KSR2: variants seen among roughly 807,000 people sequenced by gnomAD.
KSR2 encodes the protein kinase suppressor of ras 2.
In KSR2, 25 loss-of-function variants were observed where a neutral mutation model predicts 107.8. The ratio of observed to expected loss-of-function variants is 0.23; its 90% CI spans 0.17 to 0.32. The LOEUF (loss-of-function observed/expected upper bound fraction) is 0.32. Ranked by LOEUF, KSR2 falls within the 10% of genes least tolerant of loss-of-function variation. The pLI is 1.00. For missense variants in KSR2, 887 were observed against 1,268.9 expected (o/e 0.70, Z 4.57); for synonymous variants, 480 against 507.0 (o/e 0.95, Z 0.71).
chr12:117,835,136 G>A lies in KSR2; in HGVS notation c.472+20292C>T, dbSNP rs1892147700. Among the ~76,000 whole-genome samples the A allele has an allele frequency of 2.6e-5, 4 of 152,156 alleles. 1 individual carries two copies. The highest frequency in any genetic ancestry group is 2.0e-4 in the Admixed American group (3 of 15,266). On this transcript the variant is annotated intron_variant, in intron 3 of 19. Transcript: ENST00000339824. ...TCAGTGAGGCCATGTGGCTGACCCA[G>A]GCTCCCATAACCAGAGAAGTCAGGG...
intron 16 of KSR2, 91 bp downstream of exon 16, chr12:117,484,323 TGA>T (rs1201570277): frequency 1.4e-6 from 2 of 1,444,258 alleles, no homozygotes; most frequent in Non-Finnish European, 1.9e-6. Context: ...GGACCAACCC[TGA>T]GTCTAGGTCA....
Position 117,881,180 on chromosome 12 carries a change from G to C in KSR2, c.181-20749C>G, listed in dbSNP as rs1894016787. On this transcript the variant is annotated intron_variant, in intron 1 of 19. Transcript: ENST00000339824. ...GGAATGGATTCATGAATCAATGAATGAATGAATGATGTGCAAGAATGAAGG... is the reference window on the plus strand; with the variant it reads ...GGAATGGATTCATGAATCAATGAATCAATGAATGATGTGCAAGAATGAAGG... Among the ~76,000 whole-genome samples the C allele has an allele frequency of 2.0e-5, 3 of 152,294 alleles. No homozygotes were observed. In the South Asian group the frequency reaches 6.2e-4, roughly 32 times the overall value.
At chr12:117,908,634 A>G (rs1894924112) in intron 1 of KSR2, among the ~76,000 whole-genome samples, 1 of 152,208 alleles carries the variant, frequency 6.6e-6, no homozygotes. Context: ...ATGAGAGTGC[A>G]TTGCATGTGA....
chr12:117,954,021 T>A (rs1199967123), intron 1 of KSR2, among the ~76,000 whole-genome samples: 2 of 151,932 alleles, frequency 1.3e-5, no homozygotes, highest in Non-Finnish European at 2.9e-5. Flanking sequence ...ACCCAGAAGT[T>A]TAAGGCTCCA....
At chr12:117,554,950 G>C (rs548694957) in intron 9 of KSR2, among the ~76,000 whole-genome samples, 1 of 152,076 alleles carries the variant, frequency 6.6e-6, no homozygotes, top group Non-Finnish European at 1.5e-5. Flanking sequence ...TTCTCATTCC[G>C]ACATGCCCTC....
rs1361785804 is a variant in KSR2, at chr12:117,907,873, A to T, written c.181-47442T>A. 1.3e-5 allele frequency among the ~76,000 whole-genome samples: 2 copies of T among 152,110 alleles called. No homozygotes were observed. Among genetic ancestry groups the T allele is most frequent in the Non-Finnish European group, 2.9e-5 (2 of 68,018 alleles). The stretch of plus-strand genomic sequence containing the variant: ...TTTGAGAGCTGCCAATTTACTGAAA[A>T]GGTATTCAAAATAATCACACTGCTT... On this transcript the variant is annotated intron_variant, in intron 1 of 19. Coordinates refer to ENST00000339824, the MANE Select transcript of KSR2 (RefSeq NM_173598.6). The surrounding 1 kb of genome is among the most constrained non-coding windows in gnomAD (Gnocchi z 4.3).
intron 1 of KSR2, among the ~76,000 whole-genome samples, chr12:117,879,741 T>A (rs917425458): frequency 1.6e-4 from 25 of 151,798 alleles, no homozygotes; most frequent in Admixed American, 4.6e-4. Flanking sequence ...AAAAAAACTG[T>A]ATATCAAATT....
At chr12:117,696,524 T>G (rs1279569049) in intron 4 of KSR2, among the ~76,000 whole-genome samples, 3 of 146,742 alleles carry the variant, frequency 2.0e-5, no homozygotes, top group African/African-American at 2.5e-5. Context: ...TCGGGGGGAG[T>G]ATCATGGTCT....
chr12:117,653,647 G>T (rs1883995597), intron 5 of KSR2, among the ~76,000 whole-genome samples: 1 of 152,174 alleles, frequency 6.6e-6, no homozygotes, highest in Non-Finnish European at 1.5e-5. Flanking sequence ...AATTGCTAGG[G>T]GTCCAGTGGT....
At chr12:117,475,173 A>G (rs897459891) in intron 17 of KSR2, among the ~76,000 whole-genome samples, 1 of 152,092 alleles carries the variant, frequency 6.6e-6, no homozygotes, top group Non-Finnish European at 1.5e-5. Context: ...GATTGATCTA[A>G]AACTCAAATT....
At chr12:117,717,029 T>G (rs1194929029) in intron 4 of KSR2, among the ~76,000 whole-genome samples, 1 of 152,218 alleles carries the variant, frequency 6.6e-6, no homozygotes, top group African/African-American at 2.4e-5. Context: ...TCCAGGTAAA[T>G]TTCAGAACTG....
intron 18 of KSR2, 149 bp from the exon 19 acceptor site, chr12:117,469,944 C>CCATCCACCATCCAT: frequency 1.4e-6 from 1 of 732,326 alleles, no homozygotes. Context: ...CATCCATCCA[C>CCATCCACCATCCAT]CCATCCGGTA....
intron 3 of KSR2, among the ~76,000 whole-genome samples, chr12:117,787,772 G>C (rs979812886): frequency 2.0e-5 from 3 of 152,180 alleles, no homozygotes; most frequent in Non-Finnish European, 4.4e-5. Context: ...CACCAAAGCA[G>C]ACTAACCAGA....
intron 4 of KSR2, among the ~76,000 whole-genome samples, chr12:117,698,434 T>C (rs1886160337): frequency 6.6e-6 from 1 of 151,684 alleles, no homozygotes; most frequent in South Asian, 2.1e-4. Context: ...TCCCACCTCA[T>C]CCTCCCAAGT....
chr12:117,509,613 G>A, intron 14 of KSR2, among the ~76,000 whole-genome samples: 1 of 152,202 alleles, frequency 6.6e-6, no homozygotes, highest in East Asian at 1.9e-4. Context: ...CCAGGGAACT[G>A]AGACGCTCTG....
chr12:117,941,018 G>A (rs1895988798), intron 1 of KSR2, among the ~76,000 whole-genome samples: 2 of 152,152 alleles, frequency 1.3e-5, no homozygotes, highest in African/African-American at 4.8e-5. Flanking sequence ...CCAGGAGGCA[G>A]AGGTTGCAGT....
Position 117,487,044 on chromosome 12 carries a change from C to T in KSR2, c.2220-1353G>A, listed in dbSNP as rs1872504739. Among the ~76,000 whole-genome samples, 4 of 152,168 alleles carry T rather than the reference C, an allele frequency of 2.6e-5. No individual in the cohort carries two copies. In the South Asian group the frequency reaches 8.3e-4, roughly 32 times the overall value. ...CAGTTTTATTATCTGCAAAATGGGG[C>T]CAACAGCTGCTGCCTTTCTGGGTTG... On this transcript the variant is annotated intron_variant, in intron 14 of 19. Transcript: ENST00000339824.
chr12:117,526,539 G>GA (rs1331758936), intron 13 of KSR2, among the ~76,000 whole-genome samples: 1 of 152,216 alleles, frequency 6.6e-6, no homozygotes, highest in Admixed American at 6.5e-5. Flanking sequence ...AATAGTCCCA[G>GA]AAAAGAACAC....
rs1425731654 is a variant in KSR2, at chr12:117,460,014, G to T, written c.*7185C>A. The stretch of plus-strand genomic sequence containing the variant: ...TTTAGAGATTCAACCACACAATAGT[G>T]TCTTAAAAGTTCTGATAAGTCCTGC... On this transcript the variant is annotated 3_prime_UTR_variant, in exon 20 of 20. Coordinates refer to ENST00000339824, the MANE Select transcript of KSR2 (RefSeq NM_173598.6). The T allele has an allele frequency of 6.6e-6, 1 of 152,192 alleles. No homozygotes were observed. Among genetic ancestry groups the T allele is most frequent in the Non-Finnish European group, 1.5e-5 (1 of 68,020 alleles). 9.4% of individuals were successfully genotyped at this position (152,192 alleles called of 1,614,324 possible).
Sources: gnomAD v4.1 joint callset for allele counts (sites outside exome capture counted in the v4.1 genomes callset) on GRCh38, gnomAD v4.1.1 for gene constraint, Gnocchi (gnomAD v3.1) non-coding constraint, MANE v1.5 for transcripts, NCBI Gene and HGNC (gene_info 2026-07-23, HGNC 2026-07-21) for gene names.